The following VLDLR variants were observed in gnomAD, a reference collection of about 807,000 sequenced individuals.
The protein encoded by VLDLR is very low-density lipoprotein receptor.
VLDLR carries 81 observed loss-of-function variants against 112.7 expected under a neutral mutation model. That is an observed-to-expected ratio of 0.72 (90% CI 0.60 to 0.86). The LOEUF (loss-of-function observed/expected upper bound fraction) is 0.86. Among genes scored for constraint, VLDLR ranks in the 40% least tolerant of loss-of-function variants. VLDLR has a pLI of 0.00. For synonymous variants in VLDLR, 436 were observed against 384.8 expected (o/e 1.13, Z -1.56); for missense variants, 1,237 against 1,099.4 (o/e 1.13, Z -1.77).
rs1817822028 is a variant in VLDLR at position 2,641,492 on chromosome 9, A to C, written c.441A>C (p.Glu147Asp). The change falls in exon 4 of 19, where the codon GAA becomes GAC. Residue 147 changes from glutamate (E) to aspartate (D), a missense_variant. Physicochemically the swap from Glu to Asp is conservative, Grantham distance 45. Coordinates refer to ENST00000382100, the MANE Select transcript of VLDLR (RefSeq NM_003383.5). ...ENDCDSGEDE[E>D]NCGNITCSPD... ...ATTGTGACAGTGGAGAAGATGAAGA[A>C]AACTGTGGTAAGAAGATCAGTGTTG... is the stretch of plus-strand genomic sequence containing the variant. 1 of 1,614,060 alleles carries C rather than the reference A, an allele frequency of 6.2e-7. No homozygotes were observed. Among genetic ancestry groups the C allele is most frequent in the Non-Finnish European group, 8.5e-7 (1 of 1,180,016 alleles).
At position 2,651,452 on chromosome 9, in the gene VLDLR, T is replaced by A; in HGVS notation, c.2289T>A (p.Asp763Glu). ...CTGTGACTTACAGTGAGACAAAAGA[T>A]ACGAACACAACAGAAATTTCAGCAA... ...ATTVTYSETKDTNTTEISATS... is the reference protein window; with the variant it reads ...ATTVTYSETKETNTTEISATS... Residue 763 changes from aspartate (D) to glutamate (E), a missense_variant, in exon 16 of 19, where the codon GAT (aspartate) becomes GAA (glutamate). Transcript: ENST00000382100. 1 of 1,614,040 alleles carries A rather than the reference T, an allele frequency of 6.2e-7. No homozygotes were observed.
intron 17 of VLDLR, among the ~76,000 whole-genome samples, 184 bp downstream of exon 17, chr9:2,652,138 TG>T (rs1296482604): frequency 1.3e-5 from 2 of 152,232 alleles, no homozygotes; most frequent in African/African-American, 4.8e-5. Context: ...TCTCTTCAGT[TG>T]TACCTTTGGC....
At chr9:2,644,679 T>C in intron 7 of VLDLR, 55 bp from the exon 8 acceptor site, 2 of 1,612,414 alleles carry the variant, frequency 1.2e-6, no homozygotes, top group African/African-American at 1.3e-5. Flanking sequence ...GTTTTAAATG[T>C]GAAAGATATT....
At chr9:2,622,707 G>T (rs1378386435) in intron 1 of VLDLR, among the ~76,000 whole-genome samples, 2 of 152,100 alleles carry the variant, frequency 1.3e-5, no homozygotes, top group Non-Finnish European at 2.9e-5. Flanking sequence ...GGGGAGTGCG[G>T]GAGCGGACGG....
chr9:2,636,890 T>C (rs1293744175), intron 2 of VLDLR, among the ~76,000 whole-genome samples: 1 of 152,236 alleles, frequency 6.6e-6, no homozygotes, highest in Non-Finnish European at 1.5e-5. Context: ...CATTGCTTGT[T>C]CTTAAAAAGT....
At position 2,644,871 on chromosome 9, in the gene VLDLR, A is replaced by G. The variant is rs1195755032; in HGVS notation, c.1186+18A>G. On this transcript the variant is annotated intron_variant, in intron 8 of 18. Transcript: ENST00000382100. ...CTGTGGAGGTGAGTCTAAGAAGAAA[A>G]CCTGGACCCTGCAGGTGATGGGAAA... 6.2e-7 allele frequency: 1 copy of G among 1,614,132 alleles called. No individual in the cohort carries two copies. Among genetic ancestry groups the G allele is most frequent in the Non-Finnish European group, 8.5e-7 (1 of 1,180,016 alleles).
intron 4 of VLDLR, among the ~76,000 whole-genome samples, chr9:2,642,707 G>C (rs1222611665): frequency 6.6e-6 from 1 of 152,182 alleles, no homozygotes; most frequent in Non-Finnish European, 1.5e-5. Flanking sequence ...ACCATATATG[G>C]TGGTATGTGG....
chr9:2,651,847 A>G (rs1013823472), intron 16 of VLDLR, 27 bp from the exon 17 acceptor site: 2 of 1,613,414 alleles, frequency 1.2e-6, no homozygotes, highest in African/African-American at 1.3e-5. Flanking sequence ...AGATCCTTCT[A>G]AACTGATTCC....
rs1818341050 is a variant in VLDLR, at chr9:2,651,583, TTAAC to T, written c.2335+88_2335+91del. 5.6e-6 allele frequency: 7 copies of T among 1,251,928 alleles called. No homozygotes were observed. In the African/African-American group the frequency reaches 7.5e-5, roughly 13 times the overall value. The allele number at this position is 1,251,928 out of a possible 1,614,324, so 77.6% of individuals were successfully genotyped here. A position where few individuals can be genotyped will look rare whatever the true frequency, so the allele number is the denominator to read the frequency against. On this transcript the variant is annotated intron_variant, in intron 16 of 18. Coordinates refer to ENST00000382100, the MANE Select transcript of VLDLR (RefSeq NM_003383.5). The stretch of plus-strand genomic sequence containing the variant: ...ACAGCTTAAATAATTAATGCAGCCT[TTAAC>T]TACTATTTCTGCCCCAATTGGTAAC...
In VLDLR at chr9:2,647,848, A is replaced by T. The variant is rs532436493; in HGVS notation, c.1822+256A>T. 5 of 591,132 alleles carry T rather than the reference A, an allele frequency of 8.5e-6. No individual in the cohort carries two copies. In the East Asian group the frequency reaches 1.2e-4, roughly 14 times the overall value. 36.6% of individuals were successfully genotyped at this position (591,132 alleles called of 1,614,324 possible). A position where few individuals can be genotyped will look rare whatever the true frequency, so the allele number is the denominator to read the frequency against. ...TCAGTGAACGTTGGGTCTTGGGTGC[A>T]CTCATACTAAATATTCTGGGCATGA... is the stretch of plus-strand genomic sequence containing the variant. On this transcript the variant is annotated intron_variant, in intron 12 of 18. Coordinates refer to ENST00000382100, the MANE Select transcript of VLDLR (RefSeq NM_003383.5).
intron 3 of VLDLR, among the ~76,000 whole-genome samples, chr9:2,640,551 A>G (rs1043838589): frequency 1.3e-5 from 2 of 152,204 alleles, no homozygotes; most frequent in South Asian, 2.1e-4. Context: ...CTTAGGAAAA[A>G]GTCTATGAGA....
chr9:2,643,077 A>T (rs1817893539), intron 4 of VLDLR, 83 bp from the exon 5 acceptor site: 2 of 1,587,366 alleles, frequency 1.3e-6, no homozygotes, highest in Non-Finnish European at 1.7e-6. Context: ...ATGAATAAAG[A>T]TCAATGTATT....
intron 1 of VLDLR, among the ~76,000 whole-genome samples, chr9:2,627,105 C>A (rs1817129648): frequency 6.6e-6 from 1 of 152,074 alleles, no homozygotes; most frequent in South Asian, 2.1e-4. Context: ...GTAGGGGAAT[C>A]AAAGCAGGAA....
intron 1 of VLDLR, among the ~76,000 whole-genome samples, chr9:2,623,627 C>A (rs1327449352): frequency 1.3e-5 from 2 of 152,230 alleles, no homozygotes; most frequent in Non-Finnish European, 1.5e-5. Context: ...ACTGGCCTTT[C>A]CGCCCTCTGC....
chr9:2,639,072 G>C (rs1409830632), intron 2 of VLDLR, among the ~76,000 whole-genome samples: 1 of 152,184 alleles, frequency 6.6e-6, no homozygotes, highest in Non-Finnish European at 1.5e-5. Flanking sequence ...TGTTGTTAGG[G>C]GATGCCCCTT....
intron 1 of VLDLR, among the ~76,000 whole-genome samples, chr9:2,626,283 G>T (rs1305837212): frequency 2.0e-5 from 3 of 152,196 alleles, no homozygotes; most frequent in Non-Finnish European, 4.4e-5. Context: ...TAGCCTGAAG[G>T]TAATTTTATA....
chr9:2,646,638 C>T, intron 11 of VLDLR, 86 bp downstream of exon 11: 3 of 1,292,758 alleles, frequency 2.3e-6, no homozygotes, highest in Non-Finnish European at 3.3e-6. Context: ...GTACTCAAAT[C>T]TCAAGGTTTA....
At chr9:2,639,772 A>G (rs1817746952) in intron 2 of VLDLR, 87 bp from the exon 3 acceptor site, 4 of 1,607,530 alleles carry the variant, frequency 2.5e-6, no homozygotes, top group Non-Finnish European at 3.4e-6. Context: ...AGAGCAAAAC[A>G]TGCCAAAATG....
Position 2,651,401 on chromosome 9 carries a change from T to G in VLDLR, c.2252-14T>G. On this transcript the variant is annotated splice_polypyrimidine_tract_variant and intron_variant, in intron 15 of 18. Transcript: ENST00000382100. ...ACCCTGGCATTAACCAGGTTCTTGG[T>G]TTTTATAATTCAGGTACTGCAACTA... 1.9e-6 allele frequency: 3 copies of G among 1,612,752 alleles called. No homozygotes were observed. The highest frequency in any genetic ancestry group is 2.5e-6 in the Non-Finnish European group (3 of 1,179,088).
Sources: gnomAD v4.1 joint callset for allele counts (sites outside exome capture counted in the v4.1 genomes callset) on GRCh38, gnomAD v4.1.1 for gene constraint, MANE v1.5 for transcripts, NCBI Gene and HGNC (gene_info 2026-07-23, HGNC 2026-07-21) for gene names.